Variants in PDE6A observed in about 807,000 individuals in gnomAD.
The protein encoded by PDE6A is rod cGMP-specific 3',5'-cyclic phosphodiesterase subunit alpha.
PDE6A carries 84 observed loss-of-function variants against 106.3 expected under a neutral mutation model. The observed-to-expected ratio is 0.79, with a 90% CI of 0.66 to 0.95. PDE6A has a LOEUF of 0.95. Among genes scored for constraint, PDE6A ranks in the 40% least tolerant of loss-of-function variants. The pLI, the probability that PDE6A is intolerant of heterozygous loss-of-function variation, is 0.00. For synonymous variants in PDE6A, 394 were observed against 386.6 expected (o/e 1.02, Z -0.23); for missense variants, 1,052 against 1,084.9 (o/e 0.97, Z 0.43).
intron 1 of PDE6A, among the ~76,000 whole-genome samples, chr5:149,935,741 C>T (rs945791376): frequency 3.3e-5 from 5 of 152,240 alleles, no homozygotes; most frequent in African/African-American, 9.6e-5. Context: ...ATTGGTAGCA[C>T]TGTGAGGTTT....
At chr5:149,871,888 C>T (rs891497926) in intron 17 of PDE6A, among the ~76,000 whole-genome samples, 14 of 152,142 alleles carry the variant, frequency 9.2e-5, no homozygotes, top group Non-Finnish European at 1.8e-4. Context: ...AATGTCCAGA[C>T]AGATATGGCA....
intron 13 of PDE6A, among the ~76,000 whole-genome samples, chr5:149,889,305 A>G (rs1221609151): frequency 6.6e-6 from 1 of 151,968 alleles, no homozygotes; most frequent in African/African-American, 2.4e-5. Flanking sequence ...TGCTTTACCA[A>G]ATTAATTTCC....
rs184237916 is a variant in PDE6A, at chr5:149,926,836, G to A, written c.858+4192C>T. On this transcript the variant is annotated intron_variant, in intron 4 of 21. Transcript: ENST00000255266. Reference sequence around the variant, plus strand: ...CTACTAAAAACACAAAAATTAGCTGGGTGTGGTGGTGGGGGCCTGTAATCC... The same window carrying A: ...CTACTAAAAACACAAAAATTAGCTGAGTGTGGTGGTGGGGGCCTGTAATCC... 3.5e-3 allele frequency among the ~76,000 whole-genome samples: 528 copies of A among 152,118 alleles called. 2 individuals carry two copies. The highest frequency in any genetic ancestry group is 0.02 in the Middle Eastern group (6 of 294).
At chr5:149,875,173 G>A (rs1043826029) in intron 17 of PDE6A, among the ~76,000 whole-genome samples, 1 of 152,066 alleles carries the variant, frequency 6.6e-6, no homozygotes, top group African/African-American at 2.4e-5. Context: ...TTTGCCCCAG[G>A]GGATATTTGG....
At chr5:149,876,001 T>A (rs1335286001) in intron 17 of PDE6A, among the ~76,000 whole-genome samples, 2 of 152,228 alleles carry the variant, frequency 1.3e-5, no homozygotes, top group Non-Finnish European at 2.9e-5. Context: ...TATATGTGTG[T>A]GTGTACACTA....
chr5:149,940,397 C>T (rs1176601815), intron 1 of PDE6A, among the ~76,000 whole-genome samples: 2 of 152,112 alleles, frequency 1.3e-5, no homozygotes, highest in Non-Finnish European at 2.9e-5. Flanking sequence ...GAGGAGATGA[C>T]GGGAGCCATG....
intron 13 of PDE6A, among the ~76,000 whole-genome samples, chr5:149,894,636 T>C (rs1349288509): frequency 6.9e-6 from 1 of 144,604 alleles, no homozygotes; most frequent in Non-Finnish European, 1.5e-5. Flanking sequence ...TGAATTTTTT[T>C]TTTTTTTTTT....
chr5:149,929,104 T>G (rs1046127744), intron 4 of PDE6A, among the ~76,000 whole-genome samples: 3 of 152,168 alleles, frequency 2.0e-5, no homozygotes, highest in East Asian at 1.9e-4. Flanking sequence ...TACTCTGAAA[T>G]TCTACTTCTA....
intron 1 of PDE6A, among the ~76,000 whole-genome samples, chr5:149,941,895 T>C (rs377122729): frequency 1.1e-4 from 17 of 152,314 alleles, no homozygotes; most frequent in African/African-American, 4.1e-4. Flanking sequence ...AATTTTTTTC[T>C]TTTTTCCTTT....
At chr5:149,887,026 G>A (rs995126949) in intron 13 of PDE6A, among the ~76,000 whole-genome samples, 1 of 152,202 alleles carries the variant, frequency 6.6e-6, no homozygotes, top group African/African-American at 2.4e-5. Flanking sequence ...TTTCAGCCAA[G>A]GGGGAAGGGA....
intron 17 of PDE6A, among the ~76,000 whole-genome samples, chr5:149,876,051 A>G (rs1220850329): frequency 6.6e-6 from 1 of 152,140 alleles, no homozygotes; most frequent in African/African-American, 2.4e-5. Flanking sequence ...GATTTTCATA[A>G]TTACTTGCAA....
At chr5:149,924,369 G>T (rs575005857) in intron 4 of PDE6A, among the ~76,000 whole-genome samples, 1 of 151,798 alleles carries the variant, frequency 6.6e-6, no homozygotes, top group Admixed American at 6.6e-5. Flanking sequence ...ACAAGGGGTT[G>T]TATGGCCAGC....
At chr5:149,935,069 G>T (rs1754143911) in intron 1 of PDE6A, among the ~76,000 whole-genome samples, 1 of 152,178 alleles carries the variant, frequency 6.6e-6, no homozygotes, top group Non-Finnish European at 1.5e-5. Flanking sequence ...CTAAGAGGAA[G>T]CCGGGTAAAG....
chr5:149,944,369 C>A lies in PDE6A; in HGVS notation c.305G>T (p.Arg102Leu), dbSNP rs750539462. 3 of 1,614,038 alleles carry A rather than the reference C, an allele frequency of 1.9e-6. No individual in the cohort carries two copies. Among genetic ancestry groups the A allele is most frequent in the Non-Finnish European group, 2.5e-6 (3 of 1,179,998 alleles). The part of the protein sequence containing the change: ...DRMSLFMYRT[R>L]NGIAELATRL... Reference sequence around the variant, plus strand: ...GGTGGCCAGCTCTGCGATGCCATTGCGGGTCCGGTACATGAACAGGCTCAT... The same window carrying A: ...GGTGGCCAGCTCTGCGATGCCATTGAGGGTCCGGTACATGAACAGGCTCAT... Residue 102 changes from arginine (R) to leucine (L), a missense_variant, in exon 1 of 22, where the codon CGC (arginine) becomes CTC (leucine). Arg to Leu is a moderately radical substitution (Grantham distance 102). Coordinates refer to ENST00000255266, the MANE Select transcript of PDE6A (RefSeq NM_000440.3).
At chr5:149,876,790 A>G (rs968311235) in intron 17 of PDE6A, among the ~76,000 whole-genome samples, 3 of 152,092 alleles carry the variant, frequency 2.0e-5, no homozygotes, top group African/African-American at 4.8e-5. Context: ...CCTATTTTTA[A>G]ATTTAAATAA....
At position 149,907,341 on chromosome 5, in the gene PDE6A, G is replaced by T; in HGVS notation, c.1036C>A (p.Leu346Ile). The change falls in exon 7 of 22, where the codon CTC becomes ATC. Residue 346 changes from leucine (L) to isoleucine (I), a missense_variant. Leu to Ile is a conservative substitution (Grantham distance 5). Around this residue, in one of 3 missense-constraint regions of PDE6A, gnomAD observed 913 missense variants for 915.2 expected, o/e 1.00. Coordinates refer to ENST00000255266, the MANE Select transcript of PDE6A (RefSeq NM_000440.3). ...CCATTCTGGGCAACATAAGCTGGGA[G>T]ACCGCTTACTAAAGCCCAATGGTCA... ...PPDHWALVSG[L>I]PAYVAQNGLI... 6.2e-7 allele frequency: 1 copy of T among 1,613,942 alleles called. No homozygotes were observed. The highest frequency in any genetic ancestry group is 8.5e-7 in the Non-Finnish European group (1 of 1,179,844).
At chr5:149,944,157 G>A (rs375615922) in intron 1 of PDE6A, 43 bp downstream of exon 1, 2 of 1,521,796 alleles carry the variant, frequency 1.3e-6, no homozygotes, top group African/African-American at 2.7e-5. Flanking sequence ...AGAACTCCAT[G>A]TAATAATGCC....
At chr5:149,898,226 G>C in intron 10 of PDE6A, 137 bp downstream of exon 10, 2 of 728,928 alleles carry the variant, frequency 2.7e-6, no homozygotes, top group South Asian at 3.1e-5. Context: ...CCCTGTGCTA[G>C]GCAGGAAGGA....
intron 5 of PDE6A, among the ~76,000 whole-genome samples, chr5:149,919,861 C>T (rs1016036453): frequency 5.3e-5 from 8 of 152,150 alleles, no homozygotes; most frequent in African/African-American, 1.9e-4. Context: ...AAAACATACA[C>T]ACACTATTTT....
Sources: allele counts gnomAD v4.1 joint callset (sites outside exome capture counted in the v4.1 genomes callset), GRCh38; gene constraint gnomAD v4.1.1; regional missense constraint gnomAD v4.1.1; transcripts MANE v1.5; gene names NCBI Gene and HGNC (gene_info 2026-07-23, HGNC 2026-07-21).